KCNN2: variants seen among roughly 807,000 people sequenced by gnomAD.
KCNN2 encodes small conductance calcium-activated potassium channel protein 2.
In KCNN2, 24 loss-of-function variants were observed where a neutral mutation model predicts 55.5. The ratio of observed to expected loss-of-function variants is 0.43; its 90% confidence interval spans 0.31 to 0.61. The LOEUF is 0.61. Ranked by LOEUF, KCNN2 falls within the 20% of genes least tolerant of loss-of-function variation. The pLI is 0.08. For synonymous variants in KCNN2, 431 were observed against 336.1 expected (o/e 1.28, Z -3.09); for missense variants, 754 against 853.6 (o/e 0.88, Z 1.45).
intron 1 of KCNN2, among the ~76,000 whole-genome samples, chr5:114,213,799 A>T (rs1461255161): frequency 1.3e-5 from 2 of 152,078 alleles, no homozygotes; most frequent in Non-Finnish European, 2.9e-5. Context: ...AGAAAGGAAA[A>T]GTAGAACAGT....
intron 2 of KCNN2, among the ~76,000 whole-genome samples, chr5:114,328,051 T>C (rs1756744473): frequency 6.6e-6 from 1 of 152,240 alleles, no homozygotes; most frequent in African/African-American, 2.4e-5. Context: ...GTAAATGTTA[T>C]GTACTTTATT....
chr5:114,202,585 ATTT>A (rs34199170), intron 1 of KCNN2, among the ~76,000 whole-genome samples: 7 of 92,132 alleles, frequency 7.6e-5, no homozygotes, highest in African/African-American at 2.6e-4. Flanking sequence ...ATATATATAT[ATTT>A]TTTTTTTTTT....
At chr5:114,225,336 G>A (rs773925431) in intron 2 of KCNN2, among the ~76,000 whole-genome samples, 8 of 152,050 alleles carry the variant, frequency 5.3e-5, no homozygotes, top group East Asian at 3.9e-4. Context: ...TAAAAATGAC[G>A]GAAAATTTAT....
intron 1 of KCNN2, among the ~76,000 whole-genome samples, chr5:114,167,576 A>G (rs997249356): frequency 6.6e-6 from 1 of 152,136 alleles, no homozygotes; most frequent in Non-Finnish European, 1.5e-5. Context: ...TACTTGTTCT[A>G]TGTAACCTGT....
intron 1 of KCNN2, among the ~76,000 whole-genome samples, chr5:114,154,993 A>C (rs1752600487): frequency 6.6e-6 from 1 of 151,742 alleles, no homozygotes; most frequent in Admixed American, 6.6e-5. Flanking sequence ...CCAGGTATTA[A>C]GACTAGTATC....
At chr5:114,070,034 T>G (rs1426492918) in intron 1 of KCNN2, among the ~76,000 whole-genome samples, 2 of 152,226 alleles carry the variant, frequency 1.3e-5, no homozygotes, top group Non-Finnish European at 2.9e-5. Context: ...TTACATCGCA[T>G]CCAGATACCT....
intron 2 of KCNN2, among the ~76,000 whole-genome samples, chr5:114,338,354 G>T (rs959459781): frequency 6.6e-6 from 1 of 152,098 alleles, no homozygotes; most frequent in Non-Finnish European, 1.5e-5. Context: ...CAAATAAATA[G>T]AATATTCTTA....
chr5:114,416,194 G>A (rs1444323931), intron 3 of KCNN2, among the ~76,000 whole-genome samples: 1 of 152,000 alleles, frequency 6.6e-6, no homozygotes, highest in Non-Finnish European at 1.5e-5. Flanking sequence ...GAGAATATCC[G>A]TCATTTTTTC....
intron 1 of KCNN2, among the ~76,000 whole-genome samples, chr5:114,133,461 A>G (rs1324071187): frequency 6.6e-6 from 1 of 152,212 alleles, no homozygotes; most frequent in Admixed American, 6.5e-5. Flanking sequence ...TGTTTGGGGA[A>G]CAAAAAGTCA....
At chr5:114,188,053 T>C (rs1360244017) in intron 1 of KCNN2, among the ~76,000 whole-genome samples, 1 of 152,062 alleles carries the variant, frequency 6.6e-6, no homozygotes, top group Admixed American at 6.5e-5. Context: ...CCTCAGGTGG[T>C]CCACCCACCT....
chr5:114,426,770 T>C (rs1227708722), intron 3 of KCNN2, among the ~76,000 whole-genome samples: 2 of 152,188 alleles, frequency 1.3e-5, no homozygotes, highest in African/African-American at 4.8e-5. Flanking sequence ...TGGTATCATA[T>C]AGGGGAGGGG....
intron 1 of KCNN2, among the ~76,000 whole-genome samples, chr5:114,117,728 A>G (rs1315107577): frequency 6.6e-6 from 1 of 152,158 alleles, no homozygotes; most frequent in African/African-American, 2.4e-5. Context: ...TGCATGACCC[A>G]ATACAGAACT....
At chr5:114,118,688 G>A (rs1751768234) in intron 1 of KCNN2, among the ~76,000 whole-genome samples, 1 of 152,050 alleles carries the variant, frequency 6.6e-6, no homozygotes, top group Non-Finnish European at 1.5e-5. Context: ...CACCCTCACA[G>A]ATGCATCTAG....
At chr5:114,464,475 C>G (rs1480812762) in intron 4 of KCNN2, among the ~76,000 whole-genome samples, 1 of 152,124 alleles carries the variant, frequency 6.6e-6, no homozygotes, top group African/African-American at 2.4e-5. Context: ...TAGGAGAGAG[C>G]AGAGGGTTGT....
intron 2 of KCNN2, among the ~76,000 whole-genome samples, chr5:114,337,795 C>T (rs1297248022): frequency 6.6e-6 from 1 of 152,150 alleles, no homozygotes; most frequent in Non-Finnish European, 1.5e-5. Flanking sequence ...TCAGCATGAA[C>T]TCGTAACTTC....
chr5:114,359,471 T>C (rs565450143), upstream of KCNN2, among the ~76,000 whole-genome samples: 1 of 152,316 alleles, frequency 6.6e-6, no homozygotes, highest in South Asian at 2.1e-4. Context: ...CATTTTTGCC[T>C]ATTATTTTGG....
At chr5:114,425,353 A>G (rs1759589189) in intron 3 of KCNN2, among the ~76,000 whole-genome samples, 1 of 152,184 alleles carries the variant, frequency 6.6e-6, no homozygotes, top group Non-Finnish European at 1.5e-5. Flanking sequence ...CTACACCAAC[A>G]GTCAGAAATT....
chr5:114,187,161 A>G (rs1193500251), intron 1 of KCNN2, among the ~76,000 whole-genome samples: 3 of 152,208 alleles, frequency 2.0e-5, no homozygotes, highest in African/African-American at 7.2e-5. Context: ...TAAGTATTCT[A>G]GGTGAGAGAC....
chr5:114,363,605 A>T (rs1343686464), intron 1 of KCNN2, among the ~76,000 whole-genome samples: 1 of 152,186 alleles, frequency 6.6e-6, no homozygotes, highest in African/African-American at 2.4e-5. Flanking sequence ...TCTTGAACTC[A>T]GAAGTAAGTT....
Sources: gnomAD v4.1 joint callset for allele counts (sites outside exome capture counted in the v4.1 genomes callset) on GRCh38, gnomAD v4.1.1 for gene constraint, MANE v1.5 for transcripts, NCBI Gene and HGNC (gene_info 2026-07-23, HGNC 2026-07-21) for gene names.